Variants in IL34 observed in about 807,000 individuals in gnomAD.
IL34 encodes the protein interleukin 34, also known as interleukin-34.
In IL34, 17 loss-of-function variants were observed where a neutral mutation model predicts 25.3. The ratio of observed to expected loss-of-function variants is 0.67; its 90% CI spans 0.46 to 1.01. IL34 has a LOEUF of 1.01. Among genes scored for constraint, IL34 ranks in the 50% least tolerant of loss-of-function variants. The pLI, the probability that IL34 is intolerant of heterozygous loss-of-function variation, is 0.00. For missense variants in IL34, 368 were observed against 312.9 expected, an observed-to-expected ratio of 1.18 and a Z score of -1.33; for synonymous variants, 174 against 140.9, an observed-to-expected ratio of 1.23 and a Z score of -1.66.
At chr16:70,601,321 G>T (rs1337705161) in intron 1 of IL34, among the ~76,000 whole-genome samples, 1 of 152,168 alleles carries the variant, frequency 6.6e-6, no homozygotes, top group African/African-American at 2.4e-5. Context: ...TTCACAGGCT[G>T]TTCTTGAACT....
intron 1 of IL34, among the ~76,000 whole-genome samples, chr16:70,622,263 A>C (rs1415295226): frequency 6.6e-6 from 1 of 152,078 alleles, no homozygotes; most frequent in Non-Finnish European, 1.5e-5. Context: ...TATTTAGACT[A>C]AAAGTTATTT....
intron 1 of IL34, among the ~76,000 whole-genome samples, chr16:70,649,500 G>C (rs1006536830): frequency 6.6e-6 from 1 of 152,134 alleles, no homozygotes; most frequent in Non-Finnish European, 1.5e-5. Context: ...GTTTTCACTA[G>C]TCCTCAGTTT....
At chr16:70,633,020 A>G (rs1039246752) in intron 1 of IL34, among the ~76,000 whole-genome samples, 11 of 152,182 alleles carry the variant, frequency 7.2e-5, no homozygotes, top group African/African-American at 2.4e-4. Context: ...GCTGGGGTGC[A>G]GAGGCACAAC....
At chr16:70,583,187 A>G (rs1330057744) in intron 1 of IL34, among the ~76,000 whole-genome samples, 1 of 152,104 alleles carries the variant, frequency 6.6e-6, no homozygotes, top group East Asian at 1.9e-4. Flanking sequence ...ATTTCAGCTC[A>G]CTGCAAACTC....
intron 1 of IL34, among the ~76,000 whole-genome samples, chr16:70,625,021 G>C (rs2151842277): frequency 6.6e-6 from 1 of 152,186 alleles, no homozygotes; most frequent in African/African-American, 2.4e-5. Context: ...CAGACCATTT[G>C]TCTATTTTAC....
At chr16:70,632,942 A>G (rs765737195) in intron 1 of IL34, among the ~76,000 whole-genome samples, 1 of 152,000 alleles carries the variant, frequency 6.6e-6, no homozygotes, top group Non-Finnish European at 1.5e-5. Context: ...TACTTAAAAT[A>G]AAATTCTTAC....
At chr16:70,654,432 T>G in intron 1 of IL34, 106 bp from the exon 2 acceptor site, 1 of 1,434,826 alleles carries the variant, frequency 7.0e-7, no homozygotes, top group Non-Finnish European at 9.4e-7. Flanking sequence ...CCATTGGTGC[T>G]TGTCTCCTAT....
chr16:70,624,440 C>T (rs1345098141), intron 1 of IL34, among the ~76,000 whole-genome samples: 2 of 151,848 alleles, frequency 1.3e-5, no homozygotes, highest in Non-Finnish European at 2.9e-5. Context: ...GGCCAGATTC[C>T]AATTTTTGGA....
At chr16:70,592,152 G>C (rs184502035) in intron 1 of IL34, among the ~76,000 whole-genome samples, 94 of 150,726 alleles carry the variant, frequency 6.2e-4, no homozygotes, top group African/African-American at 2.2e-3. Flanking sequence ...CCTCCTCCTG[G>C]CTTCCCAGGC....
chr16:70,639,680 C>T (rs868345994), intron 1 of IL34, among the ~76,000 whole-genome samples: 26 of 152,122 alleles, frequency 1.7e-4, no homozygotes, highest in African/African-American at 6.3e-4. Context: ...GGAGTCCAGG[C>T]GTGGTGACTC....
intron 1 of IL34, among the ~76,000 whole-genome samples, chr16:70,583,086 A>G (rs540960600): frequency 3.3e-5 from 5 of 152,180 alleles, no homozygotes; most frequent in African/African-American, 1.2e-4. Flanking sequence ...TTTGGATTTG[A>G]TTTCAATGAC....
At chr16:70,614,279 T>A (rs2051141144) in intron 1 of IL34, among the ~76,000 whole-genome samples, 1 of 152,060 alleles carries the variant, frequency 6.6e-6, no homozygotes, top group Non-Finnish European at 1.5e-5. Flanking sequence ...TGTGTCTGTA[T>A]GGCACAGTTT....
intron 1 of IL34, among the ~76,000 whole-genome samples, chr16:70,620,224 C>T (rs1028299657): frequency 2.0e-5 from 3 of 152,062 alleles, no homozygotes; most frequent in Non-Finnish European, 2.9e-5. Context: ...GGCTGTAAAG[C>T]GTCTCAAGGT....
intron 1 of IL34, among the ~76,000 whole-genome samples, chr16:70,625,953 C>T (rs1280974342): frequency 1.3e-5 from 2 of 152,300 alleles, no homozygotes; most frequent in Middle Eastern, 3.4e-3. Flanking sequence ...GAGCAAAGAG[C>T]AGGAGGACAG....
intron 4 of IL34, among the ~76,000 whole-genome samples, chr16:70,657,860 T>G (rs954672940): frequency 6.6e-6 from 1 of 152,156 alleles, no homozygotes; most frequent in Non-Finnish European, 1.5e-5. Context: ...CCCACAGAAC[T>G]GTACAACAGA....
chr16:70,640,531 G>A (rs1041842451), intron 1 of IL34, among the ~76,000 whole-genome samples: 2 of 151,720 alleles, frequency 1.3e-5, no homozygotes, highest in Admixed American at 1.3e-4. Flanking sequence ...CGCTGAGGCA[G>A]GAGAATCTCT....
intron 1 of IL34, among the ~76,000 whole-genome samples, chr16:70,606,838 C>T (rs1284717094): frequency 9.2e-5 from 14 of 152,072 alleles, no homozygotes; most frequent in Non-Finnish European, 1.8e-4. Context: ...TCCTCCTGCC[C>T]CAGCCTCCTA....
rs532347419 is a variant in IL34, at chr16:70,641,088, A to G, written c.-400-5460A>G. ...GAAATTTGAGACCAGCCTGGCCAAC[A>G]TGGTGAAATCCTGTCTCTACTAAAC... On this transcript the variant is annotated intron_variant, in intron 1 of 6. Transcript: ENST00000429149. 5.9e-5 allele frequency among the ~76,000 whole-genome samples: 9 copies of G among 151,686 alleles called. No individual in the cohort carries two copies. The South Asian group carries it at 1.7e-3, about 29-fold the overall frequency.
chr16:70,625,764 TAAGAG>T (rs1342168120), intron 1 of IL34, among the ~76,000 whole-genome samples: 1 of 151,850 alleles, frequency 6.6e-6, no homozygotes, highest in African/African-American at 2.4e-5. Flanking sequence ...GAATTGAAAT[TAAGAG>T]AAGGGAGAGA....
Sources: gnomAD v4.1 joint callset for allele counts (sites outside exome capture counted in the v4.1 genomes callset) on GRCh38, gnomAD v4.1.1 for gene constraint, MANE v1.5 for transcripts, NCBI Gene and HGNC (gene_info 2026-07-23, HGNC 2026-07-21) for gene names.